Variants in GTF2IRD1 observed in about 807,000 individuals in gnomAD.
GTF2IRD1 encodes the protein general transcription factor II-I repeat domain-containing protein 1.
In GTF2IRD1, 26 loss-of-function variants were observed where a neutral mutation model predicts 113.2. That is an observed-to-expected ratio of 0.23 (90% confidence interval 0.17 to 0.32). The LOEUF (loss-of-function observed/expected upper bound fraction) is 0.32. GTF2IRD1 is among the 10% of genes least tolerant of loss of function. GTF2IRD1 has a pLI of 1.00. For synonymous variants in GTF2IRD1, 484 were observed against 529.1 expected (o/e 0.91, Z 1.17); for missense variants, 864 against 1,280.8 (o/e 0.67, Z 4.97).
chr7:74,588,417 T>C (rs1801858447), intron 22 of GTF2IRD1, among the ~76,000 whole-genome samples: 1 of 152,064 alleles, frequency 6.6e-6, no homozygotes, highest in African/African-American at 2.4e-5. Flanking sequence ...CAACACAAGA[T>C]CTTTCACGCT....
chr7:74,547,755 C>CTTTTTT (rs587743253), intron 17 of GTF2IRD1, among the ~76,000 whole-genome samples: 2 of 114,256 alleles, frequency 1.8e-5, no homozygotes, highest in Admixed American at 9.5e-5. Context: ...TTCTCTCTCT[C>CTTTTTT]TTTTTTTTTT....
At position 74,518,279 on chromosome 7, in the gene GTF2IRD1, G is replaced by A. The variant is rs1554345139; in HGVS notation, c.562G>A (p.Ala188Thr). ...CGAGTATGACCCCAAGGCCCTCATG[G>A]CCATCCTGGAACACAGCCACCGCAT... ...PAEYDPKALM[A>T]ILEHSHRIRF... is the part of the protein sequence containing the mutation. The change falls in exon 5 of 27, where the codon GCC (alanine) becomes ACC (threonine). Residue 188 changes from alanine (A) to threonine (T), a missense_variant. Physicochemically the swap from Ala to Thr is moderately conservative, Grantham distance 58. Coordinates refer to ENST00000424337, the MANE Select transcript of GTF2IRD1 (RefSeq NM_005685.4). 1 of 1,608,214 alleles carries A rather than the reference G, an allele frequency of 6.2e-7. No individual in the cohort carries two copies. The highest frequency in any genetic ancestry group is 1.3e-5 in the African/African-American group (1 of 74,820).
intron 1 of GTF2IRD1, among the ~76,000 whole-genome samples, chr7:74,491,534 T>C (rs1485292193): frequency 1.3e-5 from 2 of 151,992 alleles, no homozygotes; most frequent in African/African-American, 4.8e-5. Context: ...TGTGTCCATG[T>C]GTTCTCATTG....
intron 1 of GTF2IRD1, among the ~76,000 whole-genome samples, chr7:74,494,168 C>T (rs1262143171): frequency 5.3e-5 from 8 of 152,214 alleles, no homozygotes; most frequent in Admixed American, 1.3e-4. Flanking sequence ...ATCTCTCCTA[C>T]AATTGCAGTC....
At position 74,558,279 on chromosome 7, in the gene GTF2IRD1, CA is replaced by C. The variant is rs142472718; in HGVS notation, c.2108-563del. On this transcript the variant is annotated intron_variant, in intron 20 of 26. Transcript: ENST00000424337. Reference sequence around the variant, plus strand: ...AGGCAACAAAAGCGAAACTCCGTCTCAAAAAAAAAAAAAAAAAAATGGAGCA... The same window carrying C: ...AGGCAACAAAAGCGAAACTCCGTCTCAAAAAAAAAAAAAAAAAATGGAGCA... Among the ~76,000 whole-genome samples the C allele has an allele frequency of 8.3e-3, 504 of 60,842 alleles. 2 individuals are homozygous for C. The highest frequency in any genetic ancestry group is 0.02 in the African/African-American group (335 of 16,962). 39.9% of individuals were successfully genotyped at this position (60,842 alleles called of 152,430 possible). A position where few individuals can be genotyped will look rare whatever the true frequency, so the allele number is the denominator to read the frequency against.
At chr7:74,596,734 G>A (rs1290067264) in intron 25 of GTF2IRD1, among the ~76,000 whole-genome samples, 1 of 152,102 alleles carries the variant, frequency 6.6e-6, no homozygotes, top group Non-Finnish European at 1.5e-5. Context: ...TGGGAGGACT[G>A]CTTGAGTCCA....
intron 1 of GTF2IRD1, among the ~76,000 whole-genome samples, chr7:74,477,499 A>G (rs1283182835): frequency 3.6e-5 from 5 of 140,262 alleles, no homozygotes; most frequent in Non-Finnish European, 7.7e-5. Context: ...GCCAGATGCC[A>G]GGGGAGGGAG....
intron 10 of GTF2IRD1, 141 bp from the exon 11 acceptor site, chr7:74,536,026 C>T (rs1457001125): frequency 2.4e-5 from 14 of 592,756 alleles, no homozygotes; most frequent in South Asian, 1.2e-4. Flanking sequence ...GTTGGCTGGA[C>T]GTGGCGCCCA....
chr7:74,580,786 G>A (rs1334411318), intron 22 of GTF2IRD1, among the ~76,000 whole-genome samples: 3 of 152,136 alleles, frequency 2.0e-5, no homozygotes, highest in African/African-American at 7.2e-5. Context: ...TCGCTGCTGC[G>A]GGGATGGGTT....
intron 1 of GTF2IRD1, among the ~76,000 whole-genome samples, chr7:74,466,406 A>C (rs902051078): frequency 6.6e-6 from 1 of 151,432 alleles, no homozygotes; most frequent in African/African-American, 2.4e-5. Flanking sequence ...TGATGGCCTC[A>C]CTCCCAGGCA....
At chr7:74,519,286 T>C in intron 5 of GTF2IRD1, 123 bp from the exon 6 acceptor site, 2 of 628,862 alleles carry the variant, frequency 3.2e-6, no homozygotes, top group Non-Finnish European at 5.3e-6. Flanking sequence ...GCAGCTCCTG[T>C]CCTGCCCTCC....
intron 22 of GTF2IRD1, among the ~76,000 whole-genome samples, chr7:74,580,386 T>C (rs1171453638): frequency 6.6e-6 from 1 of 152,130 alleles, no homozygotes; most frequent in Non-Finnish European, 1.5e-5. Context: ...TGAATGGTCG[T>C]AATTACCAAC....
rs112106048 is a variant in GTF2IRD1, at chr7:74,509,759, G to A, written c.123+1556G>A. Among the ~76,000 whole-genome samples the A allele has an allele frequency of 3.2e-3, 487 of 150,976 alleles. 1 individual carries two copies. Among genetic ancestry groups the A allele is most frequent in the Non-Finnish European group, 5.4e-3 (368 of 67,816 alleles). ...GTGATCTCGACTCACTGCAACCTCC[G>A]CCTCCCAGGTTCAAGCAATTCTCCT... is the stretch of plus-strand genomic sequence containing the variant. On this transcript the variant is annotated intron_variant, in intron 2 of 26. Coordinates refer to ENST00000424337, the MANE Select transcript of GTF2IRD1 (RefSeq NM_005685.4).
chr7:74,590,062 C>G, intron 23 of GTF2IRD1, 134 bp downstream of exon 23: 1 of 611,244 alleles, frequency 1.6e-6, no homozygotes, highest in South Asian at 1.9e-5. Context: ...GCTGCTCTGC[C>G]CATGACCCAC....
rs587621250 is a variant in GTF2IRD1, at chr7:74,583,090, G to C, written c.2321-6761G>C. 2.6e-5 allele frequency among the ~76,000 whole-genome samples: 4 copies of C among 152,282 alleles called. No individual in the cohort carries two copies. The South Asian group carries it at 8.3e-4, about 32-fold the overall frequency. On this transcript the variant is annotated intron_variant, in intron 22 of 26. Transcript: ENST00000424337. ...AATCAGTGTTCTTCCTGAGCTTGAT[G>C]TTGACTGAGCTAGAGAATCCCACAG...
intron 24 of GTF2IRD1, 142 bp from the exon 25 acceptor site, chr7:74,594,872 A>T (rs1403474061): frequency 4.6e-5 from 23 of 496,742 alleles, no homozygotes; most frequent in Non-Finnish European, 7.5e-5. Context: ...GAATGGCGTG[A>T]ACCCAGGAGG....
At chr7:74,490,546 C>G (rs4998497) in intron 1 of GTF2IRD1, among the ~76,000 whole-genome samples, 7 of 149,176 alleles carry the variant, frequency 4.7e-5, no homozygotes, top group Middle Eastern at 6.8e-3. Flanking sequence ...AAGGATACCC[C>G]CCCCCCCGCC....
chr7:74,560,901 C>T (rs1340463751), intron 22 of GTF2IRD1, among the ~76,000 whole-genome samples: 1 of 152,038 alleles, frequency 6.6e-6, no homozygotes, highest in Admixed American at 6.6e-5. Flanking sequence ...TTTTAAGGCA[C>T]CCATCCACTT....
chr7:74,515,670 C>T (rs60575774), intron 4 of GTF2IRD1, 74 bp downstream of exon 4: 5 of 1,391,392 alleles, frequency 3.6e-6, no homozygotes, highest in South Asian at 2.7e-5. Context: ...GCAGAGGGGG[C>T]CCCCTCCTGT....
Sources: allele counts gnomAD v4.1 joint callset (sites outside exome capture counted in the v4.1 genomes callset), GRCh38; gene constraint gnomAD v4.1.1; transcripts MANE v1.5; gene names NCBI Gene and HGNC (gene_info 2026-07-23, HGNC 2026-07-21).